KAZN: variants seen among roughly 807,000 people sequenced by gnomAD.
KAZN encodes kazrin, periplakin interacting protein, also known as kazrin.
KAZN carries 40 observed loss-of-function variants against 87.4 expected under a neutral mutation model. That is an observed-to-expected ratio of 0.46 (90% confidence interval 0.36 to 0.60). The LOEUF (loss-of-function observed/expected upper bound fraction) is 0.60. Among genes scored for constraint, KAZN ranks in the 20% least tolerant of loss-of-function variants. The pLI is 0.00. For synonymous variants in KAZN, 466 were observed against 458.3 expected, an observed-to-expected ratio of 1.02 and a Z score of -0.22; for missense variants, 898 against 1,073.9, an observed-to-expected ratio of 0.84 and a Z score of 2.29.
chr1:14,324,861 A>G (rs914150112), intron 2 of KAZN, among the ~76,000 whole-genome samples: 6 of 152,230 alleles, frequency 3.9e-5, no homozygotes, highest in Non-Finnish European at 7.3e-5. Context: ...TCAAATATCA[A>G]AACTAGGTAA....
At chr1:14,640,723 C>A (rs1160098202) in intron 1 of KAZN, among the ~76,000 whole-genome samples, 1 of 152,216 alleles carries the variant, frequency 6.6e-6, no homozygotes, top group Non-Finnish European at 1.5e-5. Context: ...AGTCAGCCTG[C>A]CCCTGGGACT....
At position 14,999,856 on chromosome 1, in the gene KAZN, T is replaced by G. The variant is rs1286303635; in HGVS notation, c.419-34893T>G. On this transcript the variant is annotated intron_variant, in intron 2 of 14. Transcript: ENST00000376030. ...AGTTGAATGCAGGACACCCTCAGTC[T>G]GCCCTGTCCGGCTTGACTTCTTCCC... Among the ~76,000 whole-genome samples the G allele has an allele frequency of 3.9e-5, 6 of 152,344 alleles. No individual in the cohort carries two copies. In the East Asian group the frequency reaches 1.2e-3, roughly 29 times the overall value.
At chr1:14,695,802 C>A (rs953167506) in intron 1 of KAZN, among the ~76,000 whole-genome samples, 20 of 152,022 alleles carry the variant, frequency 1.3e-4, no homozygotes, top group Non-Finnish European at 2.1e-4. Context: ...CCGTGCCCGG[C>A]CTCTCCACCC....
intron 1 of KAZN, among the ~76,000 whole-genome samples, chr1:14,170,696 TCTG>T (rs1249641599): frequency 6.6e-6 from 1 of 150,946 alleles, no homozygotes; most frequent in Non-Finnish European, 1.5e-5. Context: ...AATCCTATGT[TCTG>T]CTCCTAAGGA....
intron 2 of KAZN, among the ~76,000 whole-genome samples, chr1:14,241,736 A>T (rs893005163): frequency 1.3e-5 from 2 of 152,166 alleles, no homozygotes; most frequent in African/African-American, 4.8e-5. Flanking sequence ...AGTCAGGAGG[A>T]GATATGCTGT....
chr1:14,035,444 C>T (rs955702971), intron 1 of KAZN, among the ~76,000 whole-genome samples: 3 of 151,710 alleles, frequency 2.0e-5, no homozygotes, highest in African/African-American at 7.2e-5. Context: ...TGAGAAGTTT[C>T]TTTTGCCTTT....
chr1:14,297,113 G>C (rs925006378), intron 2 of KAZN, among the ~76,000 whole-genome samples: 2 of 152,074 alleles, frequency 1.3e-5, no homozygotes, highest in African/African-American at 4.8e-5. Flanking sequence ...GAAAACCTGG[G>C]CTTACATAGA....
At chr1:14,363,727 A>C (rs1396140258) in intron 2 of KAZN, among the ~76,000 whole-genome samples, 1 of 152,328 alleles carries the variant, frequency 6.6e-6, no homozygotes, top group South Asian at 2.1e-4. Context: ...GTAGAAAGAA[A>C]GAACAAGAGA....
At chr1:14,929,820 T>C (rs1659602108) in intron 1 of KAZN, 2 of 985,464 alleles carry the variant, frequency 2.0e-6, no homozygotes, top group South Asian at 4.7e-5. Context: ...AGGTCAGGCT[T>C]GCCTCCTGTT....
intron 2 of KAZN, among the ~76,000 whole-genome samples, chr1:14,370,292 G>C (rs1660371908): frequency 6.6e-6 from 1 of 152,192 alleles, no homozygotes; most frequent in South Asian, 2.1e-4. Context: ...GGTGGGCAAG[G>C]ACCTTCCTTC....
intron 2 of KAZN, among the ~76,000 whole-genome samples, chr1:14,239,689 A>G (rs1648766739): frequency 6.6e-6 from 1 of 151,584 alleles, no homozygotes; most frequent in Admixed American, 6.6e-5. Flanking sequence ...CGAACTCCCG[A>G]CCTCAGGTGA....
intron 2 of KAZN, among the ~76,000 whole-genome samples, chr1:14,396,494 A>G (rs1356233883): frequency 6.6e-6 from 1 of 152,222 alleles, no homozygotes; most frequent in East Asian, 1.9e-4. Flanking sequence ...ATTCTGGAGC[A>G]TTGGCAATGC....
At chr1:14,202,535 C>G (rs997176367) in intron 2 of KAZN, among the ~76,000 whole-genome samples, 4 of 152,092 alleles carry the variant, frequency 2.6e-5, no homozygotes, top group Non-Finnish European at 4.4e-5. Flanking sequence ...AGAACAAGTT[C>G]TGGATCCAGT....
chr1:14,477,897 T>C (rs1668841810), intron 2 of KAZN, among the ~76,000 whole-genome samples: 1 of 152,150 alleles, frequency 6.6e-6, no homozygotes, highest in African/African-American at 2.4e-5. Context: ...CTTGCTCCCA[T>C]GGAGTACTTT....
At chr1:14,029,103 G>A (rs1374409455) in intron 1 of KAZN, among the ~76,000 whole-genome samples, 1 of 141,924 alleles carries the variant, frequency 7.0e-6, no homozygotes, top group African/African-American at 2.6e-5. Flanking sequence ...GTGTAAAAGT[G>A]TTCCTGTTTC....
chr1:14,183,695 G>A (rs1174003132), intron 2 of KAZN, among the ~76,000 whole-genome samples: 1 of 152,138 alleles, frequency 6.6e-6, no homozygotes, highest in Non-Finnish European at 1.5e-5. Flanking sequence ...CTCCTTGGCA[G>A]TTCTCTCCCT....
At chr1:14,379,108 C>T (rs144517696) in intron 2 of KAZN, among the ~76,000 whole-genome samples, 2 of 149,886 alleles carry the variant, frequency 1.3e-5, no homozygotes, top group African/African-American at 4.9e-5. Context: ...GCCTGAGCTC[C>T]CAGACAACAT....
chr1:14,932,108 C>G (rs577563559), intron 1 of KAZN, among the ~76,000 whole-genome samples: 1 of 152,310 alleles, frequency 6.6e-6, no homozygotes, highest in South Asian at 2.1e-4. Flanking sequence ...GAATTCCTGG[C>G]TCCTTGAGCC....
chr1:15,060,998 G>A (rs565123710), intron 6 of KAZN: 1 of 152,258 alleles, frequency 6.6e-6, no homozygotes, highest in Non-Finnish European at 1.5e-5. Flanking sequence ...TCACACAGTT[G>A]GTAATGCAGA....
Sources: gnomAD v4.1 joint callset for allele counts (sites outside exome capture counted in the v4.1 genomes callset) on GRCh38, gnomAD v4.1.1 for gene constraint, MANE v1.5 for transcripts, NCBI Gene and HGNC (gene_info 2026-07-23, HGNC 2026-07-21) for gene names.